The following RGPD2 variants were observed in gnomAD, a reference collection of about 807,000 sequenced individuals.
The protein encoded by RGPD2 is RANBP2-like and GRIP domain-containing protein 2.
In RGPD2, 2 loss-of-function variants were observed where a neutral mutation model predicts 36.0. That is an observed-to-expected ratio of 0.06 (90% CI 0.02 to 0.17). RGPD2 has a LOEUF of 0.17. RGPD2 is among the 10% of genes least tolerant of loss of function. RGPD2 has a pLI of 1.00. For missense variants in RGPD2, 40 were observed against 464.3 expected (o/e 0.09, Z 8.40); for synonymous variants, 19 against 163.8 (o/e 0.12, Z 6.75).
intron 20 of RGPD2, among the ~76,000 whole-genome samples, chr2:87,781,456 GTTTT>G (rs947473930): frequency 3.1e-4 from 34 of 111,004 alleles, no homozygotes; most frequent in African/African-American, 1.0e-3. Context: ...GGTTTTTTTT[GTTTT>G]TTTGTTTTTT....
intron 22 of RGPD2, among the ~76,000 whole-genome samples, chr2:87,771,211 A>G (rs1490043593): frequency 2.6e-3 from 2 of 766 alleles, no homozygotes; most frequent in Non-Finnish European, 4.0e-3. Context: ...TGTGCTTGTA[A>G]ATGTCAAAAA....
At chr2:87,824,706 G>GAGGCTGAGGCCGCCGCCGCCGCCCGGCC (rs1686541416) in intron 1 of RGPD2, among the ~76,000 whole-genome samples, 2 of 135,074 alleles carry the variant, frequency 1.5e-5, no homozygotes, top group South Asian at 2.4e-4. Flanking sequence ...AGGTGAGGCC[G>GAGGCTGAGGCCGCCGCCGCCGCCCGGCC]AGGCCGAGGC....
the RGPD2 span, among the ~76,000 whole-genome samples, chr2:87,961,466 C>T: frequency 4.0e-5 from 6 of 151,810 alleles, no homozygotes; most frequent in East Asian, 7.9e-4. Context: ...TTTGGGAGGC[C>T]GAGGCGGGCG....
At chr2:87,934,528 A>C in the RGPD2 span, among the ~76,000 whole-genome samples, 4 of 149,222 alleles carry the variant, frequency 2.7e-5, no homozygotes, top group Non-Finnish European at 6.0e-5. Flanking sequence ...TGGACTTGTT[A>C]CAATACATTT....
At chr2:87,966,450 G>C in the RGPD2 span, among the ~76,000 whole-genome samples, 1 of 148,160 alleles carries the variant, frequency 6.7e-6, no homozygotes, top group Admixed American at 6.8e-5. Context: ...AACTCTGCCA[G>C]GTTCCCAGTC....
chr2:87,825,493 C>CCGCCGCCCGGCCA (rs1686717321), intron 1 of RGPD2, among the ~76,000 whole-genome samples, 165 bp downstream of exon 1: 3 of 69,108 alleles, frequency 4.3e-5, no homozygotes, highest in African/African-American at 1.6e-4. Flanking sequence ...CGCCGCCGCC[C>CCGCCGCCCGGCCA]GGCCGAGGCC....
the RGPD2 span, among the ~76,000 whole-genome samples, chr2:87,984,784 G>T: frequency 6.6e-6 from 1 of 151,650 alleles, no homozygotes; most frequent in South Asian, 2.1e-4. Context: ...CAAAAAATTA[G>T]CCGGGCGTGG....
the RGPD2 span, among the ~76,000 whole-genome samples, chr2:87,933,915 C>A: frequency 9.4e-4 from 103 of 109,866 alleles, 17 homozygotes; most frequent in Non-Finnish European, 1.7e-3. Flanking sequence ...ATTCTGAATT[C>A]TACTTCTGTC....
chr2:87,893,558 C>G, the RGPD2 span, among the ~76,000 whole-genome samples: 1 of 125,964 alleles, frequency 7.9e-6, no homozygotes, highest in Non-Finnish European at 1.7e-5. Context: ...TATTGCTTAC[C>G]CTTCTCTTTT....
the RGPD2 span, among the ~76,000 whole-genome samples, chr2:87,864,629 G>A: frequency 3.0e-4 from 4 of 13,266 alleles, no homozygotes; most frequent in South Asian, 0.02. Context: ...TAGATACATA[G>A]ATGATAGATA....
At chr2:87,889,351 TA>T in the RGPD2 span, among the ~76,000 whole-genome samples, 1 of 26,430 alleles carries the variant, frequency 3.8e-5, no homozygotes, top group African/African-American at 1.7e-4. Flanking sequence ...CTGTTTTTTT[TA>T]AAAAAAGTTT....
the RGPD2 span, among the ~76,000 whole-genome samples, chr2:87,974,251 T>C: frequency 6.9e-6 from 1 of 145,480 alleles, no homozygotes; most frequent in Non-Finnish European, 1.5e-5. Flanking sequence ...CAAGAAACTA[T>C]GAACGATAAG....
the RGPD2 span, chr2:87,972,680 G>A: frequency 6.0e-5 from 93 of 1,539,904 alleles, no homozygotes; most frequent in East Asian, 1.9e-3. Flanking sequence ...CAGCGGGAAC[G>A]GCAGCGAGGA....
chr2:87,905,438 G>A, the RGPD2 span, among the ~76,000 whole-genome samples: 1 of 152,028 alleles, frequency 6.6e-6, no homozygotes, highest in African/African-American at 2.4e-5. Flanking sequence ...ACAAACACCA[G>A]ATAAAAACAA....
At chr2:87,881,910 A>G in the RGPD2 span, among the ~76,000 whole-genome samples, 1 of 152,080 alleles carries the variant, frequency 6.6e-6, no homozygotes, top group African/African-American at 2.4e-5. Context: ...CATATGCTCA[A>G]CTTCTCATGA....
At chr2:87,832,332 C>CT in the RGPD2 span, among the ~76,000 whole-genome samples, 1 of 150,944 alleles carries the variant, frequency 6.6e-6, no homozygotes. Flanking sequence ...GTACTAAACA[C>CT]TCTAATTGAA....
chr2:87,843,101 A>C, the RGPD2 span, among the ~76,000 whole-genome samples: 115 of 145,814 alleles, frequency 7.9e-4, no homozygotes, highest in Middle Eastern at 0.011. Context: ...CTAAAACCAT[A>C]AAAACCCTAG....
chr2:87,883,020 C>G, the RGPD2 span, among the ~76,000 whole-genome samples: 15 of 151,950 alleles, frequency 9.9e-5, no homozygotes, highest in African/African-American at 3.6e-4. Flanking sequence ...CATACATTGA[C>G]AAATCCGAAA....
the RGPD2 span, among the ~76,000 whole-genome samples, chr2:87,951,710 A>G: frequency 5.4e-5 from 8 of 147,922 alleles, no homozygotes; most frequent in East Asian, 1.4e-3. Flanking sequence ...TCAGCCTCCC[A>G]AGTAGCTGGG....
Sources: allele counts gnomAD v4.1 joint callset (sites outside exome capture counted in the v4.1 genomes callset), GRCh38; gene constraint gnomAD v4.1.1; transcripts MANE v1.5; gene names NCBI Gene and HGNC (gene_info 2026-07-23, HGNC 2026-07-21).